The following CNTNAP2 variants were observed in gnomAD, a reference collection of about 807,000 sequenced individuals.
The protein encoded by CNTNAP2 is contactin-associated protein-like 2.
In CNTNAP2, 98 loss-of-function variants were observed where a neutral mutation model predicts 155.2. That is an observed-to-expected ratio of 0.63 (90% CI 0.54 to 0.75). CNTNAP2 has a LOEUF of 0.75. CNTNAP2 is among the 30% of genes least tolerant of loss of function. The pLI, the probability that CNTNAP2 is intolerant of heterozygous loss-of-function variation, is 0.00. For missense variants in CNTNAP2, 1,727 were observed against 1,688.1 expected, an observed-to-expected ratio of 1.02 and a Z score of -0.40; for synonymous variants, 651 against 631.2, an observed-to-expected ratio of 1.03 and a Z score of -0.47.
chr7:147,816,703 A>T (rs1798271922), intron 13 of CNTNAP2, among the ~76,000 whole-genome samples: 4 of 152,116 alleles, frequency 2.6e-5, no homozygotes, highest in Admixed American at 1.3e-4. Context: ...TATATTTTTC[A>T]GTAATCAAAA....
chr7:148,167,534 AAAGC>A (rs376802975), intron 17 of CNTNAP2, among the ~76,000 whole-genome samples: 6 of 152,218 alleles, frequency 3.9e-5, no homozygotes, highest in African/African-American at 1.2e-4. Context: ...AAAGAAAGAA[AAAGC>A]AAGCAAGGAA....
chr7:146,770,608 AT>A (rs1395493813), intron 1 of CNTNAP2, among the ~76,000 whole-genome samples: 1 of 151,824 alleles, frequency 6.6e-6, no homozygotes, highest in Non-Finnish European at 1.5e-5. Flanking sequence ...TTTAATTCTA[AT>A]TATTGTTATT....
rs200898216 is a variant in CNTNAP2 at position 146,751,602 on chromosome 7, CCT to C, written c.98-22666_98-22665del. 2.9e-3 allele frequency among the ~76,000 whole-genome samples: 439 copies of C among 152,054 alleles called. 4 individuals carry two copies. Among genetic ancestry groups the C allele is most frequent in the African/African-American group, 0.01 (416 of 41,486 alleles). On this transcript the variant is annotated intron_variant, in intron 1 of 23. Transcript: ENST00000361727. ...TTACATTTTATCATGCTCTCTAATTCCTCTTTTTTTTATTTTTAAATTTTACT... is the reference window on the plus strand; with the variant it reads ...TTACATTTTATCATGCTCTCTAATTCCTTTTTTTTATTTTTAAATTTTACT...
intron 1 of CNTNAP2, among the ~76,000 whole-genome samples, chr7:146,285,162 C>G (rs1800306649): frequency 6.6e-6 from 1 of 152,086 alleles, no homozygotes; most frequent in Non-Finnish European, 1.5e-5. Context: ...AAATTGTCCT[C>G]CCTTTACTTT....
At chr7:146,867,831 G>A (rs763237515) in intron 3 of CNTNAP2, among the ~76,000 whole-genome samples, 3 of 151,730 alleles carry the variant, frequency 2.0e-5, no homozygotes, top group Non-Finnish European at 4.4e-5. Flanking sequence ...CATTTGAGGA[G>A]TGTCTGTTCA....
intron 1 of CNTNAP2, among the ~76,000 whole-genome samples, chr7:146,309,965 T>G (rs575191299): frequency 1.3e-5 from 2 of 152,326 alleles, no homozygotes; most frequent in Non-Finnish European, 2.9e-5. Flanking sequence ...CCTTTGCTGC[T>G]ATCAAAATGC....
chr7:147,740,228 A>G (rs1223577679), intron 13 of CNTNAP2, among the ~76,000 whole-genome samples: 1 of 151,888 alleles, frequency 6.6e-6, no homozygotes, highest in African/African-American at 2.4e-5. Context: ...AGGATTTTCA[A>G]AACATTTTCT....
chr7:146,765,798 A>T (rs1486107955), intron 1 of CNTNAP2, among the ~76,000 whole-genome samples: 1 of 152,200 alleles, frequency 6.6e-6, no homozygotes, highest in Non-Finnish European at 1.5e-5. Flanking sequence ...GAAAAAGTGA[A>T]GGTAGTATTT....
intron 10 of CNTNAP2, among the ~76,000 whole-genome samples, chr7:147,421,482 A>G (rs1797289614): frequency 6.6e-6 from 1 of 151,858 alleles, no homozygotes; most frequent in African/African-American, 2.4e-5. Context: ...AATACAATTA[A>G]CTAATGTATT....
rs144480965 is a variant in CNTNAP2, at chr7:148,037,529, G to A, written c.2383+59540G>A. Among the ~76,000 whole-genome samples, 1,493 of 152,262 alleles carry A rather than the reference G, an allele frequency of 9.8e-3. 25 individuals carry two copies. The highest frequency in any genetic ancestry group is 0.034 in the African/African-American group (1,417 of 41,556). ...CACTGAACTCTAAGTCTAGCTACTAGTGTTCCAACTCGTATAAAATCTGTG... is the reference window on the plus strand; with the variant it reads ...CACTGAACTCTAAGTCTAGCTACTAATGTTCCAACTCGTATAAAATCTGTG... On this transcript the variant is annotated intron_variant, in intron 15 of 23. Coordinates refer to ENST00000361727, the MANE Select transcript of CNTNAP2 (RefSeq NM_014141.6).
intron 1 of CNTNAP2, among the ~76,000 whole-genome samples, chr7:146,687,396 T>C (rs1422128303): frequency 6.6e-6 from 1 of 152,148 alleles, no homozygotes; most frequent in Non-Finnish European, 1.5e-5. Context: ...TTAAATGAGA[T>C]AGTACATGGA....
chr7:147,473,557 C>A (rs1013578882), intron 10 of CNTNAP2, among the ~76,000 whole-genome samples: 3 of 151,814 alleles, frequency 2.0e-5, no homozygotes, highest in South Asian at 2.1e-4. Context: ...TAATGAATAC[C>A]TTTGGTTTAA....
At chr7:147,911,967 A>G (rs924822975) in intron 14 of CNTNAP2, among the ~76,000 whole-genome samples, 2 of 152,084 alleles carry the variant, frequency 1.3e-5, no homozygotes, top group African/African-American at 4.8e-5. Context: ...AGTGCTCCTG[A>G]TTTGGTTTCT....
At position 147,088,672 on chromosome 7, in the gene CNTNAP2, G is replaced by A. The variant is rs558863337; in HGVS notation, c.551-19475G>A. Among the ~76,000 whole-genome samples the A allele has an allele frequency of 2.0e-5, 3 of 152,222 alleles. No individual in the cohort carries two copies. In the East Asian group the frequency reaches 5.8e-4, roughly 30 times the overall value. The stretch of plus-strand genomic sequence containing the variant: ...TTTTCAAAATCAAGGCTGAAGCTGG[G>A]TGCAGTTCCCACCTGTAATTCCAAC... On this transcript the variant is annotated intron_variant, in intron 4 of 23. Transcript: ENST00000361727.
intron 2 of CNTNAP2, among the ~76,000 whole-genome samples, chr7:146,817,034 T>A (rs6962773): frequency 0.19 from 28,261 of 152,046 alleles, 8,299 homozygotes; most frequent in African/African-American, 0.62. Context: ...AGGATGAAAA[T>A]CTCACAGAAA....
intron 1 of CNTNAP2, chr7:146,311,665 A>G (rs1407802972): frequency 6.7e-6 from 1 of 149,410 alleles, no homozygotes; most frequent in Non-Finnish European, 1.5e-5. Flanking sequence ...AAGCAAAGAA[A>G]GAAAGGAAAG....
chr7:146,918,704 T>C (rs1277295248), intron 3 of CNTNAP2, among the ~76,000 whole-genome samples: 3 of 152,218 alleles, frequency 2.0e-5, no homozygotes, highest in African/African-American at 7.2e-5. Context: ...TTTTTGAGCT[T>C]CTTGTATTTG....
At chr7:146,523,287 C>T (rs1797641275) in intron 1 of CNTNAP2, among the ~76,000 whole-genome samples, 1 of 151,990 alleles carries the variant, frequency 6.6e-6, no homozygotes, top group Non-Finnish European at 1.5e-5. Flanking sequence ...GTCCAATTCT[C>T]ATTTCTAAAA....
chr7:147,351,955 G>T (rs1249946072), intron 9 of CNTNAP2, among the ~76,000 whole-genome samples: 1 of 151,848 alleles, frequency 6.6e-6, no homozygotes, highest in Admixed American at 6.6e-5. Context: ...CTCCTTTAAA[G>T]ACATTATATT....
Sources: allele counts gnomAD v4.1 joint callset (sites outside exome capture counted in the v4.1 genomes callset), GRCh38; gene constraint gnomAD v4.1.1; transcripts MANE v1.5; gene names NCBI Gene and HGNC (gene_info 2026-07-23, HGNC 2026-07-21).